Variants in EXOC3L2 observed in about 807,000 individuals in gnomAD.
The protein encoded by EXOC3L2 is exocyst complex component 3-like protein 2.
In EXOC3L2, 17 loss-of-function variants were observed where a neutral mutation model predicts 44.4. The observed-to-expected ratio is 0.38, with a 90% CI of 0.26 to 0.57. The LOEUF is 0.57. Among genes scored for constraint, EXOC3L2 ranks in the 20% least tolerant of loss-of-function variants. The pLI is 0.65. For missense variants in EXOC3L2, 541 were observed against 588.4 expected (o/e 0.92, Z 0.83); for synonymous variants, 256 against 253.7 (o/e 1.01, Z -0.09).
intron 1 of EXOC3L2, among the ~76,000 whole-genome samples, chr19:45,239,342 T>G (rs1240745697): frequency 1.0e-4 from 14 of 139,216 alleles, no homozygotes; most frequent in East Asian, 6.9e-4. Flanking sequence ...CTCAGCCTCC[T>G]GAGTAGCTGG....
intron 3 of EXOC3L2, 68 bp from the exon 4 acceptor site, chr19:45,231,942 C>T: frequency 7.1e-6 from 7 of 980,946 alleles, no homozygotes; most frequent in Non-Finnish European, 1.1e-5. Context: ...ACCTTCCCCA[C>T]ACCCTCCTAC....
chr19:45,215,032 T>C (rs1705389138), intron 11 of EXOC3L2, among the ~76,000 whole-genome samples: 1 of 151,754 alleles, frequency 6.6e-6, no homozygotes, highest in Non-Finnish European at 1.5e-5. Flanking sequence ...GGCACATGCC[T>C]ATACTTGGGA....
chr19:45,242,935 T>C (rs1214658485), intron 1 of EXOC3L2, among the ~76,000 whole-genome samples: 1 of 150,730 alleles, frequency 6.6e-6, no homozygotes, highest in African/African-American at 2.4e-5. Context: ...TCCCACTCGC[T>C]CTGGCCTTCT....
At position 45,212,408 on chromosome 19, in the gene EXOC3L2, C is replaced by T. The variant is rs1050086852; in HGVS notation, c.*661G>A. ...AAACCTCTTTATTCTAAGTATCGAACGTTCCTTAATACATTGGATTGGGGC... is the reference window on the plus strand; with the variant it reads ...AAACCTCTTTATTCTAAGTATCGAATGTTCCTTAATACATTGGATTGGGGC... On this transcript the variant is annotated 3_prime_UTR_variant, in exon 12 of 12. Coordinates refer to ENST00000413988, the MANE Select transcript of EXOC3L2 (RefSeq NM_001382422.1). Among the ~76,000 whole-genome samples, 2 of 152,042 alleles carry T rather than the reference C, an allele frequency of 1.3e-5. No homozygotes were observed. The highest frequency in any genetic ancestry group is 4.8e-5 in the African/African-American group (2 of 41,406).
chr19:45,224,662 G>A (rs1199076061), intron 8 of EXOC3L2, 116 bp downstream of exon 8: 37 of 1,388,044 alleles, frequency 2.7e-5, no homozygotes, highest in African/African-American at 9.1e-5. Flanking sequence ...CCTGCCCCCC[G>A]CCCCTGTCTG....
At chr19:45,219,487 C>T (rs754593224) in intron 8 of EXOC3L2, among the ~76,000 whole-genome samples, 6 of 151,328 alleles carry the variant, frequency 4.0e-5, no homozygotes, top group Non-Finnish European at 8.8e-5. Flanking sequence ...GGAAGGAGGA[C>T]GGATTGCTTC....
intron 1 of EXOC3L2, among the ~76,000 whole-genome samples, chr19:45,243,660 C>T (rs186762630): frequency 9.7e-4 from 148 of 152,250 alleles, no homozygotes; most frequent in African/African-American, 3.3e-3. Context: ...GATGGAGTCT[C>T]GCTCTGTCAC....
chr19:45,240,102 A>ATT (rs34966417), intron 1 of EXOC3L2, among the ~76,000 whole-genome samples: 6,465 of 125,930 alleles, frequency 0.051, 358 homozygotes, highest in African/African-American at 0.12. Flanking sequence ...GCAAAGCCTA[A>ATT]TTTTTTTTTT....
intron 4 of EXOC3L2, among the ~76,000 whole-genome samples, chr19:45,228,974 G>C (rs1471685887): frequency 2.0e-5 from 3 of 151,812 alleles, no homozygotes; most frequent in Non-Finnish European, 4.4e-5. Flanking sequence ...AGGAGGCTGA[G>C]GCAGGAGAAT....
intron 8 of EXOC3L2, among the ~76,000 whole-genome samples, chr19:45,220,302 A>AT (rs545973235): frequency 0.029 from 4,382 of 150,342 alleles, 225 homozygotes; most frequent in African/African-American, 0.1. Flanking sequence ...CCTCTCTATA[A>AT]TTTTTTTTTG....
chr19:45,232,745 T>C (rs8109472), intron 3 of EXOC3L2, among the ~76,000 whole-genome samples: 53,918 of 151,904 alleles, frequency 0.35, 10,072 homozygotes, highest in African/African-American at 0.39. Context: ...AGGTTCTGGG[T>C]GCTACCCTTA....
Position 45,227,708 on chromosome 19 carries a change from A to G in EXOC3L2, c.1537T>C (p.Tyr513His). The change falls in exon 7 of 12, where the codon TAT (tyrosine) becomes CAT (histidine). Residue 513 changes from tyrosine (Y) to histidine (H), a missense_variant. Transcript: ENST00000413988. ...ACCAGGGCGATGGTCTTGCTGATAT[A>G]GGTGTCAGGTAGCATCTCCCGGACT... The part of the protein sequence containing the change: ...PAVREMLPDT[Y>H]ISKTIALVNC... The G allele has an allele frequency of 6.2e-7, 1 of 1,613,042 alleles. No individual in the cohort carries two copies. The highest frequency in any genetic ancestry group is 1.1e-5 in the South Asian group (1 of 90,562).
chr19:45,212,935 G>T lies in EXOC3L2; in HGVS notation c.*134C>A. 9.4e-7 allele frequency: 1 copy of T among 1,060,272 alleles called. No individual in the cohort carries two copies. Among genetic ancestry groups the T allele is most frequent in the Non-Finnish European group, 1.3e-6 (1 of 786,416 alleles). 65.7% of individuals were successfully genotyped at this position (1,060,272 alleles called of 1,614,324 possible). A position where few individuals can be genotyped will look rare whatever the true frequency, so the allele number is the denominator to read the frequency against. Reference sequence around the variant, plus strand: ...TTCTGTACAGGGAGTTTGGGGTTGGGTGAAAAGACATCTAAGGGTCTTTCT... The same window carrying T: ...TTCTGTACAGGGAGTTTGGGGTTGGTTGAAAAGACATCTAAGGGTCTTTCT... On this transcript the variant is annotated 3_prime_UTR_variant, in exon 12 of 12. Transcript: ENST00000413988.
At chr19:45,236,398 G>A (rs986598378) in intron 2 of EXOC3L2, among the ~76,000 whole-genome samples, 20 of 136,768 alleles carry the variant, frequency 1.5e-4, no homozygotes, top group Non-Finnish European at 2.6e-4. Context: ...CCCAGGCGGC[G>A]AAGGCTGCAA....
At chr19:45,235,518 G>C (rs1326104017) in intron 2 of EXOC3L2, among the ~76,000 whole-genome samples, 1 of 152,016 alleles carries the variant, frequency 6.6e-6, no homozygotes, top group Non-Finnish European at 1.5e-5. Context: ...TGGGACCACT[G>C]ATGGGGTCTT....
Position 45,212,935 on chromosome 19 carries a change from G to A in EXOC3L2, c.*134C>T. The A allele has an allele frequency of 4.7e-6, 5 of 1,060,272 alleles. No homozygotes were observed. Among genetic ancestry groups the A allele is most frequent in the Non-Finnish European group, 6.4e-6 (5 of 786,416 alleles). The allele number at this position is 1,060,272 out of a possible 1,614,324, so 65.7% of individuals were successfully genotyped here. ...TTCTGTACAGGGAGTTTGGGGTTGG[G>A]TGAAAAGACATCTAAGGGTCTTTCT... On this transcript the variant is annotated 3_prime_UTR_variant, in exon 12 of 12. Coordinates refer to ENST00000413988, the MANE Select transcript of EXOC3L2 (RefSeq NM_001382422.1).
chr19:45,240,164 G>A (rs1970119416), intron 1 of EXOC3L2, among the ~76,000 whole-genome samples: 2 of 149,074 alleles, frequency 1.3e-5, no homozygotes, highest in Non-Finnish European at 3.0e-5. Context: ...GAGTGCAATG[G>A]CCCCATCATA....
At chr19:45,217,248 A>T (rs1969845042) in intron 10 of EXOC3L2, among the ~76,000 whole-genome samples, 1 of 152,168 alleles carries the variant, frequency 6.6e-6, no homozygotes, top group Non-Finnish European at 1.5e-5. Context: ...ACTTAACAGG[A>T]ATTAACCAAT....
chr19:45,216,231 AAGAT>A, intron 10 of EXOC3L2, 37 bp from the exon 11 acceptor site: 7 of 1,607,926 alleles, frequency 4.4e-6, no homozygotes, highest in Non-Finnish European at 5.9e-6. Flanking sequence ...ACACCCTCCC[AAGAT>A]TGACCCTGCC....
Sources: gnomAD v4.1 joint callset for allele counts (sites outside exome capture counted in the v4.1 genomes callset) on GRCh38, gnomAD v4.1.1 for gene constraint, MANE v1.5 for transcripts, NCBI Gene and HGNC (gene_info 2026-07-23, HGNC 2026-07-21) for gene names.